TMEM232: variants seen among roughly 807,000 people sequenced by gnomAD.
TMEM232 encodes transmembrane protein 232.
TMEM232 carries 80 observed loss-of-function variants against 78.8 expected under a neutral mutation model. The observed-to-expected ratio is 1.01, with a 90% CI of 0.85 to 1.22. The LOEUF (loss-of-function observed/expected upper bound fraction) is 1.22. TMEM232 is among the 50% of genes most tolerant of loss of function. TMEM232 has a pLI of 0.00. For synonymous variants in TMEM232, 297 were observed against 254.3 expected (o/e 1.17, Z -1.60); for missense variants, 881 against 742.2 (o/e 1.19, Z -2.17).
chr5:110,675,682 A>AT (rs1791940563), intron 1 of TMEM232, among the ~76,000 whole-genome samples: 1 of 152,216 alleles, frequency 6.6e-6, no homozygotes, highest in African/African-American at 2.4e-5. Context: ...GTATATATTT[A>AT]TGTTGTATAA....
chr5:110,421,568 A>AT (rs151338199), intron 13 of TMEM232, among the ~76,000 whole-genome samples: 4,935 of 152,252 alleles, frequency 0.032, 159 homozygotes, highest in African/African-American at 0.069. Context: ...ATTCCTAAAG[A>AT]TACTGCCAAT....
exon 4 of TMEM232, chr5:110,390,632 G>A (rs538866396): frequency 4.6e-5 from 7 of 152,328 alleles, no homozygotes; most frequent in African/African-American, 1.7e-4. Flanking sequence ...TCTCTTGTGA[G>A]TGCCTTACCT....
chr5:110,638,546 C>G (rs775439952), intron 4 of TMEM232, among the ~76,000 whole-genome samples, 191 bp from the exon 5 acceptor site: 2 of 152,162 alleles, frequency 1.3e-5, no homozygotes, highest in Non-Finnish European at 2.9e-5. Flanking sequence ...TAAACTTGAG[C>G]AGGCCCTGTG....
At chr5:110,586,491 T>C (rs980821370) in intron 10 of TMEM232, among the ~76,000 whole-genome samples, 1 of 152,044 alleles carries the variant, frequency 6.6e-6, no homozygotes, top group Non-Finnish European at 1.5e-5. Context: ...ATCAAAACTA[T>C]TGGTAATTCT....
chr5:110,605,145 G>C lies in TMEM232; in HGVS notation c.1240C>G (p.Leu414Val). ...ATTTTTGAAGAGAAATATTCCAAAA[G>C]ACTTAAAATACTTGTTTCCTTTAAT... The part of the protein sequence containing the change: ...PELKETSILS[L>V]LEYFSSKMSE... The change falls in exon 10 of 14, where the codon CTT becomes GTT. Residue 414 changes from leucine to valine, a missense_variant. Transcript: ENST00000455884. The C allele has an allele frequency of 6.5e-7, 1 of 1,547,568 alleles. No homozygotes were observed. The highest frequency in any genetic ancestry group is 8.7e-7 in the Non-Finnish European group (1 of 1,144,998).
intron 12 of TMEM232, among the ~76,000 whole-genome samples, chr5:110,446,180 C>G (rs576657401): frequency 2.2e-4 from 33 of 152,204 alleles, no homozygotes; most frequent in African/African-American, 7.7e-4. Flanking sequence ...TCACTGGCCT[C>G]TGACCTTTAA....
At chr5:110,595,210 A>G (rs1262818869) in intron 10 of TMEM232, among the ~76,000 whole-genome samples, 1 of 152,218 alleles carries the variant, frequency 6.6e-6, no homozygotes, top group Non-Finnish European at 1.5e-5. Flanking sequence ...AACTAGAAAC[A>G]AAAAGCAATA....
chr5:110,503,401 T>C (rs1766492534), intron 12 of TMEM232, among the ~76,000 whole-genome samples: 1 of 152,068 alleles, frequency 6.6e-6, no homozygotes, highest in African/African-American at 2.4e-5. Flanking sequence ...CAGGTTTGGG[T>C]GAGAGGAAGG....
chr5:110,407,221 TG>T (rs1171971778), intron 2 of TMEM232, among the ~76,000 whole-genome samples: 1 of 152,110 alleles, frequency 6.6e-6, no homozygotes, highest in Admixed American at 6.6e-5. Flanking sequence ...AATGTAAATG[TG>T]TCAATTCTCC....
chr5:110,543,120 C>T (rs1331457223), intron 11 of TMEM232, among the ~76,000 whole-genome samples: 1 of 152,096 alleles, frequency 6.6e-6, no homozygotes, highest in Non-Finnish European at 1.5e-5. Flanking sequence ...AGAACCTGGA[C>T]AACTTGTAGT....
chr5:110,738,489 G>C (rs1256058048), upstream of TMEM232, among the ~76,000 whole-genome samples: 1 of 152,102 alleles, frequency 6.6e-6, no homozygotes, highest in African/African-American at 2.4e-5. Flanking sequence ...CTTTTAAAAT[G>C]CTTGCTCTGG....
chr5:110,543,200 A>G (rs1773374117), intron 11 of TMEM232, among the ~76,000 whole-genome samples: 1 of 151,706 alleles, frequency 6.6e-6, no homozygotes, highest in Admixed American at 6.6e-5. Context: ...TCATTTGACT[A>G]CTCCTCACTT....
At chr5:110,432,112 C>T (rs955905053) in intron 12 of TMEM232, among the ~76,000 whole-genome samples, 1 of 151,636 alleles carries the variant, frequency 6.6e-6, no homozygotes, top group African/African-American at 2.4e-5. Context: ...GGTTGACATG[C>T]AGATACAAGC....
At chr5:110,563,179 AG>A (rs1429275564) in intron 11 of TMEM232, among the ~76,000 whole-genome samples, 1 of 151,992 alleles carries the variant, frequency 6.6e-6, no homozygotes, top group Non-Finnish European at 1.5e-5. Context: ...TAGCACTGGT[AG>A]TGGTTATGTG....
downstream of TMEM232, among the ~76,000 whole-genome samples, chr5:110,418,549 C>T (rs1756359547): frequency 6.6e-6 from 1 of 152,038 alleles, no homozygotes; most frequent in African/African-American, 2.4e-5. Flanking sequence ...CTTCCTTTCT[C>T]TATATATCTA....
intron 12 of TMEM232, among the ~76,000 whole-genome samples, chr5:110,475,080 T>A (rs1043214724): frequency 6.6e-6 from 1 of 151,904 alleles, no homozygotes; most frequent in Non-Finnish European, 1.5e-5. Flanking sequence ...GCCCAAATAT[T>A]TTATTAAGAT....
upstream of TMEM232, among the ~76,000 whole-genome samples, chr5:110,729,058 T>A (rs1320166096): frequency 1.3e-5 from 2 of 151,934 alleles, no homozygotes; most frequent in Non-Finnish European, 1.5e-5. Flanking sequence ...GTAATTTTTG[T>A]ATTTTTGGTA....
intron 12 of TMEM232, among the ~76,000 whole-genome samples, chr5:110,525,409 C>A (rs1206255262): frequency 6.6e-6 from 1 of 151,678 alleles, no homozygotes; most frequent in Non-Finnish European, 1.5e-5. Flanking sequence ...ATAAGGGCAA[C>A]CTAGGAGAAG....
At chr5:110,416,362 G>A (rs1338915852), downstream of TMEM232, among the ~76,000 whole-genome samples, 1 of 152,206 alleles carries the variant, frequency 6.6e-6, no homozygotes, top group Non-Finnish European at 1.5e-5. Flanking sequence ...CAGAGGAGGT[G>A]ACAAGTGTCA....
Sources: gnomAD v4.1 joint callset for allele counts (sites outside exome capture counted in the v4.1 genomes callset) on GRCh38, gnomAD v4.1.1 for gene constraint, MANE v1.5 for transcripts, NCBI Gene and HGNC (gene_info 2026-07-23, HGNC 2026-07-21) for gene names.